Variants in GRIN3A observed in about 807,000 individuals in gnomAD.
GRIN3A encodes the protein glutamate receptor ionotropic, NMDA 3A.
Under a neutral mutation model 92.4 loss-of-function variants are expected in GRIN3A, and 47 were observed. The ratio of observed to expected loss-of-function variants is 0.51; its 90% CI spans 0.40 to 0.65. GRIN3A has a LOEUF of 0.65. Among genes scored for constraint, GRIN3A ranks in the 30% least tolerant of loss-of-function variants. GRIN3A has a pLI of 0.00. For missense variants in GRIN3A, 1,324 were observed against 1,393.1 expected (o/e 0.95, Z 0.79); for synonymous variants, 527 against 540.6 (o/e 0.97, Z 0.35).
rs147859904 is a variant in GRIN3A at position 101,686,943 on chromosome 9, C to T, written c.957G>A (p.Lys319=). The T allele has an allele frequency of 2.6e-4, 416 of 1,614,158 alleles. 1 individual carries two copies. The African/African-American group carries it at 5.0e-3, about 20-fold the overall frequency. ...SFLQIQLESI[K]NSTPTVVMFG... is the part of the protein sequence containing the mutation. ...ACATCACCACTGTGGGTGTGCTGTT[C>T]TTAATACTCTCAAGCTGGATCTGTA... Residue 319 remains lysine (K), a synonymous_variant, in exon 2 of 9, where the codon AAG becomes AAA. Coordinates refer to ENST00000361820, the MANE Select transcript of GRIN3A (RefSeq NM_133445.3).
rs1394378998 is a variant in GRIN3A, at chr9:101,670,724, C to T, written c.1688G>A (p.Ser563Asn). ...TTTAATGGGCACTGTATCATTACTG[C>T]TATGGAGGCTGCTAAAAAGGCTGTC... ...TLDSLFSSLH[S>N]SNDTVPIKFK... is the part of the protein sequence containing the mutation. The change falls in exon 3 of 9, where the codon AGC becomes AAC. Residue 563 changes from serine (S) to asparagine (N), a missense_variant. Physicochemically the swap from Ser to Asn is conservative, Grantham distance 46. Coordinates refer to ENST00000361820, the MANE Select transcript of GRIN3A (RefSeq NM_133445.3). 2 of 1,614,062 alleles carry T rather than the reference C, an allele frequency of 1.2e-6. No homozygotes were observed. Among genetic ancestry groups the T allele is most frequent in the African/African-American group, 1.3e-5 (1 of 75,042 alleles).
intron 1 of GRIN3A, among the ~76,000 whole-genome samples, chr9:101,707,297 T>C (rs1829825453): frequency 1.3e-5 from 2 of 152,234 alleles, no homozygotes; most frequent in East Asian, 1.9e-4. Context: ...ACTGCAGACA[T>C]GCTGGCTGGA....
Position 101,670,721 on chromosome 9 carries a change from C to G in GRIN3A, c.1691G>C (p.Ser564Thr). The G allele has an allele frequency of 1.2e-6, 2 of 1,614,076 alleles. No individual in the cohort carries two copies. Among genetic ancestry groups the G allele is most frequent in the South Asian group, 1.1e-5 (1 of 91,090 alleles). ...GAATTTAATGGGCACTGTATCATTA[C>G]TGCTATGGAGGCTGCTAAAAAGGCT... is the stretch of plus-strand genomic sequence containing the variant. The part of the protein sequence containing the change: ...LDSLFSSLHS[S>T]NDTVPIKFKK... Residue 564 changes from serine (S) to threonine (T), a missense_variant, in exon 3 of 9, where the codon AGT (serine) becomes ACT (threonine). Transcript: ENST00000361820.
At chr9:101,613,584 C>T in intron 5 of GRIN3A, 57 bp from the exon 6 acceptor site, 3 of 1,545,322 alleles carry the variant, frequency 1.9e-6, no homozygotes, top group Non-Finnish European at 2.7e-6. Flanking sequence ...GAGATTGCCA[C>T]CACAGTACAT....
At chr9:101,677,285 A>G (rs958579838) in intron 2 of GRIN3A, among the ~76,000 whole-genome samples, 1 of 151,868 alleles carries the variant, frequency 6.6e-6, no homozygotes, top group Admixed American at 6.6e-5. Flanking sequence ...TCCCTCCAGT[A>G]TTCTCACTGT....
intron 6 of GRIN3A, among the ~76,000 whole-genome samples, chr9:101,579,737 G>C (rs1321108649): frequency 6.6e-6 from 1 of 152,114 alleles, no homozygotes; most frequent in East Asian, 1.9e-4. Context: ...TTAACCTTTA[G>C]CCATAATTCA....
At chr9:101,585,506 T>C (rs1429707466) in intron 6 of GRIN3A, among the ~76,000 whole-genome samples, 1 of 152,152 alleles carries the variant, frequency 6.6e-6, no homozygotes, top group Non-Finnish European at 1.5e-5. Context: ...AAACTCCTAA[T>C]TTTCCCTCTG....
chr9:101,638,630 T>C (rs763996977), intron 3 of GRIN3A, among the ~76,000 whole-genome samples: 12 of 152,226 alleles, frequency 7.9e-5, no homozygotes, highest in Non-Finnish European at 1.3e-4. Flanking sequence ...ATGATCATGA[T>C]GTAGCTCACC....
In GRIN3A at chr9:101,708,005, C is replaced by A. The variant is rs186460191; in HGVS notation, c.700-20805G>T. On this transcript the variant is annotated intron_variant, in intron 1 of 8. Coordinates refer to ENST00000361820, the MANE Select transcript of GRIN3A (RefSeq NM_133445.3). ...ATCAAGTGGGGAAAAAAAGAGAACT[C>A]CTCATTGCAAAAAGGTCTGTGGGGG... Among the ~76,000 whole-genome samples, 5 of 152,164 alleles carry A rather than the reference C, an allele frequency of 3.3e-5. No homozygotes were observed. In the East Asian group the frequency reaches 9.7e-4, roughly 29 times the overall value.
At chr9:101,724,817 G>C (rs1032111107) in intron 1 of GRIN3A, among the ~76,000 whole-genome samples, 1 of 152,244 alleles carries the variant, frequency 6.6e-6, no homozygotes, top group Non-Finnish European at 1.5e-5. Flanking sequence ...ATGTAGAACT[G>C]TAAGTCCAAT....
chr9:101,678,235 A>G (rs948562751), intron 2 of GRIN3A, among the ~76,000 whole-genome samples: 1 of 152,192 alleles, frequency 6.6e-6, no homozygotes, highest in African/African-American at 2.4e-5. Context: ...TCACTTTGCC[A>G]GAAGAATGGG....
intron 8 of GRIN3A, among the ~76,000 whole-genome samples, chr9:101,574,165 T>C (rs1051643692): frequency 1.3e-5 from 2 of 152,104 alleles, no homozygotes; most frequent in Admixed American, 6.6e-5. Flanking sequence ...ATAATGAAAG[T>C]CATATAGAAA....
At chr9:101,709,782 A>G (rs1004882521) in intron 1 of GRIN3A, among the ~76,000 whole-genome samples, 2 of 152,178 alleles carry the variant, frequency 1.3e-5, no homozygotes, top group Admixed American at 6.6e-5. Flanking sequence ...CACAAGTACA[A>G]AAATGTTTTA....
intron 1 of GRIN3A, among the ~76,000 whole-genome samples, chr9:101,701,291 G>C (rs925673019): frequency 1.3e-5 from 2 of 151,976 alleles, no homozygotes; most frequent in African/African-American, 2.4e-5. Flanking sequence ...TATGTCATGG[G>C]GGTTTGTTGT....
intron 1 of GRIN3A, among the ~76,000 whole-genome samples, chr9:101,708,488 G>T (rs899547579): frequency 6.6e-6 from 1 of 152,160 alleles, no homozygotes; most frequent in Non-Finnish European, 1.5e-5. Flanking sequence ...CTATATGAAA[G>T]GAGAGATGGT....
chr9:101,715,234 T>A (rs1434050474), intron 1 of GRIN3A, among the ~76,000 whole-genome samples: 2 of 147,840 alleles, frequency 1.4e-5, no homozygotes, highest in African/African-American at 2.5e-5. Context: ...ATGTCAACAT[T>A]CTATGCATAT....
At chr9:101,620,548 T>C (rs1828536341) in intron 5 of GRIN3A, among the ~76,000 whole-genome samples, 2 of 152,150 alleles carry the variant, frequency 1.3e-5, no homozygotes, top group Admixed American at 6.6e-5. Flanking sequence ...TTTTCTCTCC[T>C]AAGTACATTT....
At chr9:101,669,943 T>G in intron 3 of GRIN3A, 117 bp downstream of exon 3, 1 of 791,008 alleles carries the variant, frequency 1.3e-6, no homozygotes, top group Non-Finnish European at 2.1e-6. Flanking sequence ...GTCTCTATAC[T>G]TGGCTGAGAG....
At position 101,687,102 on chromosome 9, in the gene GRIN3A, G is replaced by A; in HGVS notation, c.798C>T (p.Ser266=). ...ILTMNNWYNF[S]LLLCQEDWNI... ...TCCAGTCTTCCTGGCACAGCAACAA[G>A]CTAAAATTGTACCAGTTGTTCATGG... The change falls in exon 2 of 9, where the codon AGC becomes AGT. Residue 266 remains serine (S), a synonymous_variant. Coordinates refer to ENST00000361820, the MANE Select transcript of GRIN3A (RefSeq NM_133445.3). 6.2e-7 allele frequency: 1 copy of A among 1,614,138 alleles called. No individual in the cohort carries two copies. Among genetic ancestry groups the A allele is most frequent in the Non-Finnish European group, 8.5e-7 (1 of 1,179,994 alleles).
Sources: gnomAD v4.1 joint callset for allele counts (sites outside exome capture counted in the v4.1 genomes callset) on GRCh38, gnomAD v4.1.1 for gene constraint, MANE v1.5 for transcripts, NCBI Gene and HGNC (gene_info 2026-07-23, HGNC 2026-07-21) for gene names.